The following PTCD1 variants were observed in gnomAD, a reference collection of about 807,000 sequenced individuals.
PTCD1 encodes the protein pentatricopeptide repeat-containing protein 1, mitochondrial.
A neutral mutation model predicts 53.4 loss-of-function variants in PTCD1; 50 were observed. The ratio of observed to expected loss-of-function variants is 0.94; its 90% CI spans 0.75 to 1.19. The LOEUF is 1.19. Ranked by LOEUF, PTCD1 falls within the 50% of genes most tolerant of loss-of-function variation. PTCD1 has a pLI of 0.00. For synonymous variants in PTCD1, 413 were observed against 394.8 expected, an observed-to-expected ratio of 1.05 and a Z score of -0.55; for missense variants, 918 against 904.8, an observed-to-expected ratio of 1.01 and a Z score of -0.19.
At chr7:99,430,261 G>T (rs933134843) in intron 3 of PTCD1, among the ~76,000 whole-genome samples, 1 of 152,246 alleles carries the variant, frequency 6.6e-6, no homozygotes, top group African/African-American at 2.4e-5. Context: ...CAGTGCTCTA[G>T]GGGTGGCCCC....
chr7:99,418,040 T>C lies in PTCD1; in HGVS notation c.*1927A>G. The C allele has an allele frequency of 9.2e-7, 1 of 1,090,234 alleles. No individual in the cohort carries two copies. The highest frequency in any genetic ancestry group is 1.1e-6 in the Non-Finnish European group (1 of 882,136). The allele number at this position is 1,090,234 out of a possible 1,614,324, so 67.5% of individuals were successfully genotyped here. ...TGGAGTGCAGTGATGCCATCTTGGCTCACTGCAACCTCCACCTCCCGGGTT... is the reference window on the plus strand; with the variant it reads ...TGGAGTGCAGTGATGCCATCTTGGCCCACTGCAACCTCCACCTCCCGGGTT... On this transcript the variant is annotated 3_prime_UTR_variant, in exon 8 of 8. Coordinates refer to ENST00000292478, the MANE Select transcript of PTCD1 (RefSeq NM_015545.4).
chr7:99,435,304 A>C lies in PTCD1; in HGVS notation c.-26-36T>G, dbSNP rs541119193. The C allele has an allele frequency of 6.3e-6, 10 of 1,597,594 alleles. No individual in the cohort carries two copies. The South Asian group carries it at 9.9e-5, about 16-fold the overall frequency. On this transcript the variant is annotated intron_variant, in intron 1 of 7. Transcript: ENST00000292478. ...TCAGGAAAAATAAGAGAGTCAACTC[A>C]GTTCCTAGTAACAAAAGGCAGAAAG... is the stretch of plus-strand genomic sequence containing the variant.
chr7:99,419,420 C>T lies in PTCD1; in HGVS notation c.*547G>A. ...GCATCATCGAGTGCACACACTGTGG[C>T]TGTCGTGGCTGCTCTGGCTGAGGCT... On this transcript the variant is annotated 3_prime_UTR_variant, in exon 8 of 8. Transcript: ENST00000292478. The T allele has an allele frequency of 1.2e-6, 2 of 1,612,972 alleles. No homozygotes were observed. The highest frequency in any genetic ancestry group is 1.7e-6 in the Non-Finnish European group (2 of 1,180,022).
intron 1 of PTCD1, among the ~76,000 whole-genome samples, chr7:99,436,382 G>A (rs1796466232): frequency 6.6e-6 from 1 of 152,176 alleles, no homozygotes; most frequent in Non-Finnish European, 1.5e-5. Flanking sequence ...CACTTTGGGA[G>A]GCCAAGGTGG....
Position 99,424,732 on chromosome 7 carries a change from C to T in PTCD1, c.1737+63G>A, listed in dbSNP as rs776741512. On this transcript the variant is annotated intron_variant, in intron 6 of 7. Coordinates refer to ENST00000292478, the MANE Select transcript of PTCD1 (RefSeq NM_015545.4). The stretch of plus-strand genomic sequence containing the variant: ...GGGTCTGCAGACCCCTCAAACTTTC[C>T]TCCTGAGCTGCAGAGTGCTCCTGAG... The T allele has an allele frequency of 2.3e-4, 373 of 1,595,336 alleles. 1 individual carries two copies. Among genetic ancestry groups the T allele is most frequent in the Admixed American group, 1.4e-4 (8 of 56,944 alleles).
chr7:99,435,923 ACT>A (rs540090164), intron 1 of PTCD1, among the ~76,000 whole-genome samples: 99 of 145,466 alleles, frequency 6.8e-4, no homozygotes, highest in Middle Eastern at 3.4e-3. Context: ...TGACAGTGAG[ACT>A]CTGTCTCAGA....
chr7:99,417,634 C>T lies in PTCD1; in HGVS notation c.*2333G>A. On this transcript the variant is annotated 3_prime_UTR_variant, in exon 8 of 8. Coordinates refer to ENST00000292478, the MANE Select transcript of PTCD1 (RefSeq NM_015545.4). ...CTCAAGCTTGGTGTTGTTTTCAGCT[C>T]AAAATTCTGCCTTAGTCGACTGCAA... 1 of 1,604,924 alleles carries T rather than the reference C, an allele frequency of 6.2e-7. No homozygotes were observed.
chr7:99,430,024 A>C (rs1302462567), intron 3 of PTCD1, among the ~76,000 whole-genome samples: 1 of 152,130 alleles, frequency 6.6e-6, no homozygotes, highest in Non-Finnish European at 1.5e-5. Context: ...GATGTACCAA[A>C]CAGGAGCTAC....
intron 7 of PTCD1, 53 bp downstream of exon 7, chr7:99,423,722 A>G: frequency 6.2e-7 from 1 of 1,605,940 alleles, no homozygotes. Context: ...TGGTGGGGGG[A>G]GGGGGTAGCA....
Position 99,424,883 on chromosome 7 carries a change from C to G in PTCD1, c.1649G>C (p.Gly550Ala). 6.2e-7 allele frequency: 1 copy of G among 1,614,258 alleles called. No individual in the cohort carries two copies. Among genetic ancestry groups the G allele is most frequent in the Non-Finnish European group, 8.5e-7 (1 of 1,180,048 alleles). The change falls in exon 6 of 8, where the codon GGC becomes GCC. Residue 550 changes from glycine to alanine, a missense_variant. Coordinates refer to ENST00000292478, the MANE Select transcript of PTCD1 (RefSeq NM_015545.4). Reference sequence around the variant, plus strand: ...GAATGTCTGCAGGTTGGGGACGAGGCCCCTCTTTGCCAGGACCGGCAACAG... The same window carrying G: ...GAATGTCTGCAGGTTGGGGACGAGGGCCCTCTTTGCCAGGACCGGCAACAG... ...KALLPVLAKRGLVPNLQTFCN... is the reference protein window; with the variant it reads ...KALLPVLAKRALVPNLQTFCN...
intron 6 of PTCD1, among the ~76,000 whole-genome samples, chr7:99,424,194 A>C (rs1404888269): frequency 2.0e-5 from 3 of 152,116 alleles, no homozygotes; most frequent in Non-Finnish European, 2.9e-5. Flanking sequence ...ACACCGACTG[A>C]CTCAGGCAGA....
intron 1 of PTCD1, among the ~76,000 whole-genome samples, chr7:99,436,811 G>C (rs1266869173): frequency 6.6e-6 from 1 of 152,166 alleles, no homozygotes; most frequent in African/African-American, 2.4e-5. Flanking sequence ...TTATCATTCT[G>C]CATCTGGCAA....
intron 7 of PTCD1, among the ~76,000 whole-genome samples, chr7:99,421,777 A>G (rs1040665345): frequency 7.2e-5 from 11 of 152,152 alleles, no homozygotes; most frequent in African/African-American, 2.7e-4. Flanking sequence ...AGGAAAATGC[A>G]TCTATTGCTG....
intron 3 of PTCD1, among the ~76,000 whole-genome samples, chr7:99,431,084 T>C (rs1464191274): frequency 6.6e-6 from 1 of 151,678 alleles, no homozygotes; most frequent in Non-Finnish European, 1.5e-5. Context: ...CTCAAAAAAA[T>C]AAATAAATAA....
intron 1 of PTCD1, among the ~76,000 whole-genome samples, chr7:99,437,342 C>T (rs1360414545): frequency 6.7e-6 from 1 of 149,738 alleles, no homozygotes; most frequent in Non-Finnish European, 1.5e-5. Context: ...TTTTTTGAGA[C>T]AGTCTCTCAC....
Position 99,423,941 on chromosome 7 carries a change from G to C in PTCD1, c.1754C>G (p.Pro585Arg). 4 of 1,614,098 alleles carry C rather than the reference G, an allele frequency of 2.5e-6. No individual in the cohort carries two copies. The highest frequency in any genetic ancestry group is 3.4e-6 in the Non-Finnish European group (4 of 1,179,994). Residue 585 changes from proline to arginine, a missense_variant, in exon 7 of 8, where the codon CCC becomes CGC. Transcript: ENST00000292478. The stretch of plus-strand genomic sequence containing the variant: ...GAGGGCACTGTAGATGTGAGTGTTG[G>C]GGGTCACCTGGGACTTCTAGAACAC... Reference protein sequence around the residue: ...LTDMKKSQVTPNTHIYSALIN... With the variant: ...LTDMKKSQVTRNTHIYSALIN...
intron 7 of PTCD1, among the ~76,000 whole-genome samples, 178 bp from the exon 8 acceptor site, chr7:99,420,327 A>G (rs1795742410): frequency 6.6e-6 from 1 of 152,152 alleles, no homozygotes; most frequent in South Asian, 2.1e-4. Flanking sequence ...ACTTCAGAGA[A>G]ACAGGTCCCC....
In PTCD1 at chr7:99,417,435, A is replaced by G. The variant is rs1321049389; in HGVS notation, c.*2532T>C. 6.2e-6 allele frequency: 10 copies of G among 1,613,770 alleles called. No individual in the cohort carries two copies. Among genetic ancestry groups the G allele is most frequent in the South Asian group, 1.1e-5 (1 of 91,072 alleles). On this transcript the variant is annotated 3_prime_UTR_variant, in exon 8 of 8. Transcript: ENST00000292478. ...TTCCCCATCTTTTTGACAGAACTCT[A>G]TGAATATTGTATTAAAGAAGGCTAT...
chr7:99,424,013 G>C, intron 6 of PTCD1, 56 bp from the exon 7 acceptor site: 1 of 1,590,208 alleles, frequency 6.3e-7, no homozygotes, highest in Non-Finnish European at 8.6e-7. Flanking sequence ...GGACCCAGCA[G>C]CTCCCACCCT....
Sources: gnomAD v4.1 joint callset for allele counts (sites outside exome capture counted in the v4.1 genomes callset) on GRCh38, gnomAD v4.1.1 for gene constraint, MANE v1.5 for transcripts, NCBI Gene and HGNC (gene_info 2026-07-23, HGNC 2026-07-21) for gene names.